Variants in LRP1B observed in about 807,000 individuals in gnomAD.
The protein encoded by LRP1B is LDL receptor related protein 1B, also known as low-density lipoprotein receptor-related protein 1B.
LRP1B carries 217 observed loss-of-function variants against 556.6 expected under a neutral mutation model. The ratio of observed to expected loss-of-function variants is 0.39; its 90% CI spans 0.35 to 0.44. LRP1B has a LOEUF of 0.44. Among genes scored for constraint, LRP1B ranks in the 20% least tolerant of loss-of-function variants. The pLI is 1.00. For missense variants in LRP1B, 5,053 were observed against 5,620.8 expected, an observed-to-expected ratio of 0.90 and a Z score of 3.23; for synonymous variants, 2,047 against 1,865.8, an observed-to-expected ratio of 1.10 and a Z score of -2.50.
chr2:140,903,214 A>G (rs2105223906), intron 22 of LRP1B, 49 bp from the exon 23 acceptor site: 4 of 1,581,486 alleles, frequency 2.5e-6, no homozygotes, highest in East Asian at 2.2e-5. Context: ...TGCTTTCCTC[A>G]GTTAAATACT....
chr2:141,710,301 T>G (rs997713635), intron 2 of LRP1B, among the ~76,000 whole-genome samples: 3 of 152,206 alleles, frequency 2.0e-5, no homozygotes, highest in Admixed American at 6.5e-5. Flanking sequence ...CTACATTGTC[T>G]TTTAAATATA....
At chr2:140,763,385 T>G (rs976500179) in intron 35 of LRP1B, among the ~76,000 whole-genome samples, 1 of 152,032 alleles carries the variant, frequency 6.6e-6, no homozygotes, top group African/African-American at 2.4e-5. Context: ...ACAAAGTAAC[T>G]CAGGCAGGGA....
At chr2:140,393,508 CTGTAA>C (rs202202437) in intron 66 of LRP1B, among the ~76,000 whole-genome samples, 3,094 of 151,594 alleles carry the variant, frequency 0.02, 35 homozygotes, top group African/African-American at 0.028. Context: ...AGGAAGAGGA[CTGTAA>C]TTTGGGGATT....
intron 2 of LRP1B, among the ~76,000 whole-genome samples, chr2:141,645,484 T>TC (rs1689525338): frequency 6.6e-6 from 1 of 150,684 alleles, no homozygotes; most frequent in African/African-American, 2.4e-5. Context: ...TTTTTTTTTT[T>TC]TTTTTTTTGG....
At chr2:141,791,541 T>A (rs1241471092) in intron 2 of LRP1B, among the ~76,000 whole-genome samples, 1 of 152,088 alleles carries the variant, frequency 6.6e-6, no homozygotes, top group Non-Finnish European at 1.5e-5. Flanking sequence ...CAATTAGAGA[T>A]CAGACTTTAG....
intron 1 of LRP1B, among the ~76,000 whole-genome samples, chr2:141,825,946 T>A (rs1696904896): frequency 6.6e-6 from 1 of 152,190 alleles, no homozygotes; most frequent in African/African-American, 2.4e-5. Flanking sequence ...AAGAAATTAC[T>A]GAGAAACAGT....
intron 43 of LRP1B, among the ~76,000 whole-genome samples, chr2:140,558,447 A>G (rs1214115375): frequency 1.3e-5 from 2 of 152,208 alleles, no homozygotes; most frequent in Admixed American, 6.6e-5. Flanking sequence ...GCATGCTACA[A>G]TATAAATGAA....
chr2:140,940,969 C>A (rs1292476881), intron 20 of LRP1B, among the ~76,000 whole-genome samples: 2 of 152,030 alleles, frequency 1.3e-5, no homozygotes, highest in Non-Finnish European at 2.9e-5. Flanking sequence ...TTCCGACTGG[C>A]GTGAGATGGT....
chr2:141,666,305 C>T (rs746302104), intron 2 of LRP1B, among the ~76,000 whole-genome samples: 42 of 151,986 alleles, frequency 2.8e-4, no homozygotes, highest in Admixed American at 1.5e-3. Context: ...CAGGGTGGGG[C>T]TAGATTACAA....
chr2:140,618,838 C>T (rs551259038), intron 41 of LRP1B, among the ~76,000 whole-genome samples: 4 of 151,762 alleles, frequency 2.6e-5, no homozygotes, highest in South Asian at 2.1e-4. Flanking sequence ...GGGGGCAAGA[C>T]GGAGCTGGAA....
chr2:140,840,459 C>T (rs1692066137), intron 30 of LRP1B, among the ~76,000 whole-genome samples: 1 of 152,130 alleles, frequency 6.6e-6, no homozygotes, highest in Non-Finnish European at 1.5e-5. Flanking sequence ...TCATTTCTTC[C>T]ATTGCTGTTG....
intron 2 of LRP1B, among the ~76,000 whole-genome samples, chr2:141,623,841 T>C (rs34705120): frequency 0.75 from 112,354 of 150,554 alleles, 42,544 homozygotes; most frequent in East Asian, 0.83. Flanking sequence ...ATGGTGAAAC[T>C]CCGTCTCTGC....
At chr2:140,337,273 A>C (rs1225208411) in intron 77 of LRP1B, among the ~76,000 whole-genome samples, 1 of 151,878 alleles carries the variant, frequency 6.6e-6, no homozygotes, top group African/African-American at 2.4e-5. Flanking sequence ...TGAAATTATG[A>C]AATTTTATTA....
intron 1 of LRP1B, among the ~76,000 whole-genome samples, chr2:142,073,688 T>C (rs544374014): frequency 1.7e-4 from 26 of 152,160 alleles, no homozygotes; most frequent in African/African-American, 5.5e-4. Flanking sequence ...AAATCTCATG[T>C]TCAATTGTAA....
chr2:140,233,080 A>C lies in LRP1B; in HGVS notation c.*106T>G, dbSNP rs1178022976. On this transcript the variant is annotated 3_prime_UTR_variant, in exon 91 of 91. Transcript: ENST00000389484. ...AAAACAATTAACCAGGAAAAAGATA[A>C]AGAAAGAGGTAATGCTGATGCCAAA... is the stretch of plus-strand genomic sequence containing the variant. The C allele has an allele frequency of 1.5e-6, 1 of 669,606 alleles. No individual in the cohort carries two copies. Among genetic ancestry groups the C allele is most frequent in the African/African-American group, 1.9e-5 (1 of 52,300 alleles). 41.5% of individuals were successfully genotyped at this position (669,606 alleles called of 1,614,324 possible).
At chr2:140,982,339 A>C (rs1696797389) in intron 17 of LRP1B, 63 bp from the exon 18 acceptor site, 8 of 976,914 alleles carry the variant, frequency 8.2e-6, no homozygotes, top group Middle Eastern at 2.1e-4. Context: ...CAAGGATATA[A>C]TTAAGCATGC....
intron 3 of LRP1B, among the ~76,000 whole-genome samples, chr2:141,326,226 G>A (rs545135984): frequency 3.0e-4 from 46 of 152,154 alleles, no homozygotes; most frequent in African/African-American, 1.1e-3. Context: ...ATACAGATAA[G>A]TTAATTTTTT....
chr2:140,297,410 A>G (rs1322217551), intron 84 of LRP1B, among the ~76,000 whole-genome samples: 2 of 152,100 alleles, frequency 1.3e-5, no homozygotes, highest in Non-Finnish European at 2.9e-5. Context: ...GAAATTAGTG[A>G]TAGAACTGAA....
At chr2:141,171,375 C>T (rs1215494672) in intron 7 of LRP1B, among the ~76,000 whole-genome samples, 1 of 152,072 alleles carries the variant, frequency 6.6e-6, no homozygotes, top group East Asian at 1.9e-4. Context: ...CTGGTAACTG[C>T]TAAGTTTTTA....
Sources: gnomAD v4.1 joint callset for allele counts (sites outside exome capture counted in the v4.1 genomes callset) on GRCh38, gnomAD v4.1.1 for gene constraint, MANE v1.5 for transcripts, NCBI Gene and HGNC (gene_info 2026-07-23, HGNC 2026-07-21) for gene names.